The following LITAF variants were observed in gnomAD, a reference collection of about 807,000 sequenced individuals.
LITAF encodes lipopolysaccharide induced TNF factor.
LITAF carries 9 observed loss-of-function variants against 14.5 expected under a neutral mutation model. That is an observed-to-expected ratio of 0.62 (90% confidence interval 0.37 to 1.08). The LOEUF (loss-of-function observed/expected upper bound fraction) is 1.08. LITAF is among the 50% of genes least tolerant of loss of function. The pLI is 0.01. For missense variants in LITAF, 206 were observed against 213.4 expected, an observed-to-expected ratio of 0.97 and a Z score of 0.22; for synonymous variants, 98 against 88.2, an observed-to-expected ratio of 1.11 and a Z score of -0.62.
At chr16:11,624,136 T>C (rs2065069178) in intron 3 of LITAF, among the ~76,000 whole-genome samples, 1 of 152,038 alleles carries the variant, frequency 6.6e-6, no homozygotes, top group South Asian at 2.1e-4. Context: ...AATAAATAAA[T>C]AAATAAATAA....
chr16:11,555,825 C>T (rs1431288999), intron 2 of LITAF, among the ~76,000 whole-genome samples: 3 of 152,164 alleles, frequency 2.0e-5, no homozygotes, highest in Non-Finnish European at 4.4e-5. Flanking sequence ...ACACAACTTC[C>T]TCTCATGTTA....
chr16:11,618,242 C>T (rs1420896237), intron 3 of LITAF, among the ~76,000 whole-genome samples: 1 of 152,142 alleles, frequency 6.6e-6, no homozygotes, highest in Admixed American at 6.6e-5. Context: ...CAAACTTTTC[C>T]CCCTTGGAAG....
At chr16:11,591,516 G>A (rs1567256676), upstream of LITAF, among the ~76,000 whole-genome samples, 1 of 152,080 alleles carries the variant, frequency 6.6e-6, no homozygotes, top group Non-Finnish European at 1.5e-5. Flanking sequence ...TTACTACAGA[G>A]ATACAGTAAT....
At chr16:11,567,624 G>T (rs879879258) in intron 1 of LITAF, among the ~76,000 whole-genome samples, 1 of 152,108 alleles carries the variant, frequency 6.6e-6, no homozygotes, top group Non-Finnish European at 1.5e-5. Flanking sequence ...ATCACTCAGC[G>T]GAGGAGACCC....
chr16:11,617,426 CTTTTTTTT>C (rs71136673), intron 3 of LITAF, among the ~76,000 whole-genome samples: 2 of 73,714 alleles, frequency 2.7e-5, no homozygotes, highest in Admixed American at 2.1e-4. Context: ...TGGCTTCACT[CTTTTTTTT>C]TTTTTTTTTT....
intron 1 of LITAF, among the ~76,000 whole-genome samples, chr16:11,560,953 A>G (rs371281265): frequency 6.6e-6 from 1 of 152,156 alleles, no homozygotes; most frequent in African/African-American, 2.4e-5. Flanking sequence ...CTCAGCGGAC[A>G]TCCCTCCCAG....
chr16:11,591,857 G>T (rs948760774), upstream of LITAF, among the ~76,000 whole-genome samples: 1 of 152,146 alleles, frequency 6.6e-6, no homozygotes, highest in Non-Finnish European at 1.5e-5. Context: ...CCAAAGTGCT[G>T]AGATTACAGG....
rs1304704382 is a variant in LITAF at position 11,548,768 on chromosome 16, G to A, written c.*869C>T. 1 of 453,114 alleles carries A rather than the reference G, an allele frequency of 2.2e-6. No individual in the cohort carries two copies. The highest frequency in any genetic ancestry group is 7.0e-5 in the East Asian group (1 of 14,382). 28.1% of individuals were successfully genotyped at this position (453,114 alleles called of 1,614,324 possible). ...AGGCAGAAGGATCGCTTGAGCCCAGGAGTTCGACACCAGCCTGGGCAACAT... is the reference window on the plus strand; with the variant it reads ...AGGCAGAAGGATCGCTTGAGCCCAGAAGTTCGACACCAGCCTGGGCAACAT... On this transcript the variant is annotated 3_prime_UTR_variant, in exon 4 of 4. Transcript: ENST00000622633.
intron 3 of LITAF, among the ~76,000 whole-genome samples, chr16:11,622,241 G>A (rs1035059633): frequency 5.9e-5 from 9 of 152,178 alleles, no homozygotes; most frequent in East Asian, 1.9e-4. Flanking sequence ...CATCTGGACC[G>A]CCTGGCACGG....
At chr16:11,565,352 G>C (rs1410980880) in intron 1 of LITAF, among the ~76,000 whole-genome samples, 1 of 149,800 alleles carries the variant, frequency 6.7e-6, no homozygotes, top group Non-Finnish European at 1.5e-5. Context: ...CAAAGTGCTG[G>C]GATTACAGGC....
intron 3 of LITAF, among the ~76,000 whole-genome samples, chr16:11,618,206 T>G (rs1283205195): frequency 2.0e-5 from 3 of 152,194 alleles, no homozygotes; most frequent in African/African-American, 7.2e-5. Flanking sequence ...CTCCAGCTAT[T>G]TTTGTTTCTT....
chr16:11,609,947 G>A (rs558226312), intron 3 of LITAF, among the ~76,000 whole-genome samples: 117 of 152,116 alleles, frequency 7.7e-4, no homozygotes, highest in Non-Finnish European at 1.5e-3. Context: ...AGGCCCAGAG[G>A]TCCCCGCCTG....
intron 2 of LITAF, among the ~76,000 whole-genome samples, chr16:11,555,602 C>T (rs907901688): frequency 7.3e-5 from 11 of 150,104 alleles, no homozygotes; most frequent in East Asian, 5.8e-4. Flanking sequence ...CAGGCTATAG[C>T]GAGCCATGAC....
intron 1 of LITAF, among the ~76,000 whole-genome samples, chr16:11,569,673 G>A (rs1295751147): frequency 6.6e-6 from 1 of 152,152 alleles, no homozygotes; most frequent in African/African-American, 2.4e-5. Flanking sequence ...TCAGAGTGAA[G>A]AGAAGACACA....
chr16:11,557,607 G>C (rs922852747), intron 1 of LITAF, among the ~76,000 whole-genome samples: 1 of 151,986 alleles, frequency 6.6e-6, no homozygotes, highest in South Asian at 2.1e-4. Context: ...GTGCCCCCCC[G>C]CCCGGCTAAT....
chr16:11,621,655 C>T (rs977503962), intron 3 of LITAF, among the ~76,000 whole-genome samples: 4 of 151,862 alleles, frequency 2.6e-5, no homozygotes, highest in Admixed American at 6.6e-5. Context: ...GCACAACCCA[C>T]GTTCTACACA....
chr16:11,616,688 G>C (rs1376169205), intron 3 of LITAF, among the ~76,000 whole-genome samples: 2 of 151,902 alleles, frequency 1.3e-5, no homozygotes, highest in Non-Finnish European at 2.9e-5. Flanking sequence ...CTTACAGTCA[G>C]ATGATCATAA....
chr16:11,598,194 G>A (rs1026180909), intron 1 of LITAF, among the ~76,000 whole-genome samples: 4 of 151,984 alleles, frequency 2.6e-5, no homozygotes, highest in African/African-American at 4.8e-5. Context: ...CTCTGTGCCC[G>A]GCCAAAAGCT....
chr16:11,605,011 G>A lies in LITAF; in HGVS notation c.85+28522C>T, dbSNP rs2064947879. Among the ~76,000 whole-genome samples the A allele has an allele frequency of 1.3e-5, 2 of 152,178 alleles. No homozygotes were observed. The highest frequency in any genetic ancestry group is 2.9e-5 in the Non-Finnish European group (2 of 68,026). On this transcript the variant is annotated intron_variant, in intron 3 of 3. Coordinates refer to the LITAF transcript ENST00000574848. This position sits in a 1 kb window ranked among gnomAD's most constrained non-coding sequence, Gnocchi z 4.7. ...CGGGAAGTTGGAGCAATGCGGGAAA[G>A]AACGGAACTTCCTTGCCTACTCCAG...
Sources: gnomAD v4.1 joint callset for allele counts (sites outside exome capture counted in the v4.1 genomes callset) on GRCh38, gnomAD v4.1.1 for gene constraint, Gnocchi (gnomAD v3.1) non-coding constraint, MANE v1.5 for transcripts, NCBI Gene and HGNC (gene_info 2026-07-23, HGNC 2026-07-21) for gene names.